The following CLVS1 variants were observed in gnomAD, a reference collection of about 807,000 sequenced individuals.
CLVS1 encodes the protein clavesin 1.
Under a neutral mutation model 33.1 loss-of-function variants are expected in CLVS1, and 10 were observed. The observed-to-expected ratio is 0.30, with a 90% confidence interval of 0.19 to 0.51. CLVS1 has a LOEUF of 0.51. CLVS1 is among the 20% of genes least tolerant of loss of function. CLVS1 has a pLI of 0.97. For missense variants in CLVS1, 343 were observed against 433.4 expected, an observed-to-expected ratio of 0.79 and a Z score of 1.85; for synonymous variants, 163 against 166.1, an observed-to-expected ratio of 0.98 and a Z score of 0.14.
intron 5 of CLVS1, among the ~76,000 whole-genome samples, chr8:61,483,579 C>T (rs958911982): frequency 9.2e-5 from 14 of 151,672 alleles, no homozygotes; most frequent in Admixed American, 9.2e-4. Flanking sequence ...GGAATATTTC[C>T]TCTCCCTAAC....
the CLVS1 span, among the ~76,000 whole-genome samples, chr8:60,970,570 A>G: frequency 7.2e-5 from 11 of 152,326 alleles, 1 homozygote; most frequent in South Asian, 2.1e-4. Flanking sequence ...CCAGGATGCA[A>G]ATAATTTCTC....
chr8:61,403,972 GGTGTTGT>G (rs1394222189), intron 3 of CLVS1, among the ~76,000 whole-genome samples: 2 of 152,214 alleles, frequency 1.3e-5, no homozygotes, highest in Non-Finnish European at 2.9e-5. Context: ...GGCTACAGAT[GGTGTTGT>G]GAGAGAATTC....
intron 2 of CLVS1, among the ~76,000 whole-genome samples, chr8:61,172,156 G>A (rs566152220): frequency 9.2e-5 from 14 of 152,188 alleles, no homozygotes; most frequent in Non-Finnish European, 1.3e-4. Flanking sequence ...TTGTTGTTTC[G>A]TTAACCACTG....
chr8:61,394,688 A>G (rs1247038876), intron 3 of CLVS1, among the ~76,000 whole-genome samples: 1 of 152,196 alleles, frequency 6.6e-6, no homozygotes, highest in Admixed American at 6.5e-5. Context: ...ATACCTCGCC[A>G]GCAGCACTGA....
At chr8:61,288,500 T>C (rs1174500814) in intron 1 of CLVS1, among the ~76,000 whole-genome samples, 1 of 151,922 alleles carries the variant, frequency 6.6e-6, no homozygotes, top group Non-Finnish European at 1.5e-5. Flanking sequence ...TTGACAGGCA[T>C]AGGAAGGAAA....
At chr8:61,035,193 T>TTTTC in the CLVS1 span, among the ~76,000 whole-genome samples, 1 of 148,980 alleles carries the variant, frequency 6.7e-6, no homozygotes, top group South Asian at 2.1e-4. Flanking sequence ...TTTTCTTTTT[T>TTTTC]TTTTTTTTGA....
chr8:61,229,556 G>A, intron 2 of CLVS1, among the ~76,000 whole-genome samples: 1 of 152,198 alleles, frequency 6.6e-6, no homozygotes, highest in East Asian at 1.9e-4. Context: ...ATTGGCAGAG[G>A]GAGAGTTCTC....
chr8:61,132,980 C>T (rs763964745), intron 2 of CLVS1, among the ~76,000 whole-genome samples: 87 of 152,318 alleles, frequency 5.7e-4, no homozygotes, highest in East Asian at 5.8e-4. Context: ...GCCTGAGCAG[C>T]TCTAGTCTTT....
the CLVS1 span, among the ~76,000 whole-genome samples, chr8:60,998,430 G>A: frequency 3.9e-5 from 6 of 152,094 alleles, no homozygotes; most frequent in Admixed American, 3.9e-4. Flanking sequence ...TGTTTGCCCT[G>A]GTGGTGAGGG....
Position 61,499,521 on chromosome 8 carries a change from G to A in CLVS1, c.1044G>A (p.Gln348=). 1 of 1,613,608 alleles carries A rather than the reference G, an allele frequency of 6.2e-7. No homozygotes were observed. Among genetic ancestry groups the A allele is most frequent in the Non-Finnish European group, 8.5e-7 (1 of 1,179,636 alleles). The change falls in exon 6 of 6, where the codon CAG becomes CAA. Residue 348 remains glutamine (Q), a synonymous_variant. Transcript: ENST00000325897. The part of the protein sequence containing the change: ...HEEKGENENT[Q]PLLALD ...AGAAGGGAGAGAATGAGAACACCCA[G>A]CCACTCCTGGCTCTGGACTGAACCC...
chr8:61,416,188 A>C (rs1401395073), intron 3 of CLVS1, among the ~76,000 whole-genome samples: 1 of 152,194 alleles, frequency 6.6e-6, no homozygotes, highest in African/African-American at 2.4e-5. Context: ...GGAATTTGAG[A>C]ATTATACATC....
At chr8:61,162,223 A>G (rs1003189682) in intron 2 of CLVS1, among the ~76,000 whole-genome samples, 3 of 152,228 alleles carry the variant, frequency 2.0e-5, no homozygotes, top group African/African-American at 7.2e-5. Flanking sequence ...TGAAGAAGAT[A>G]GTTTAGCCAC....
chr8:61,030,368 T>G, the CLVS1 span, among the ~76,000 whole-genome samples: 1 of 152,072 alleles, frequency 6.6e-6, no homozygotes, highest in Admixed American at 6.5e-5. Flanking sequence ...AAAACAAATC[T>G]AGAATCGATG....
chr8:61,107,226 T>C (rs1805553167), intron 1 of CLVS1, among the ~76,000 whole-genome samples: 1 of 152,246 alleles, frequency 6.6e-6, no homozygotes, highest in Admixed American at 6.5e-5. Flanking sequence ...CAAGAACTCA[T>C]GTCTGAAATC....
intron 3 of CLVS1, among the ~76,000 whole-genome samples, chr8:61,395,740 A>T (rs1185489666): frequency 6.6e-6 from 1 of 152,152 alleles, no homozygotes; most frequent in African/African-American, 2.4e-5. Flanking sequence ...TGGGCCAGGG[A>T]CTACTCTTTT....
intron 3 of CLVS1, among the ~76,000 whole-genome samples, chr8:61,451,734 T>C (rs898842908): frequency 2.6e-5 from 4 of 151,952 alleles, no homozygotes; most frequent in Non-Finnish European, 5.9e-5. Context: ...CCAATAATGA[T>C]GTGTTGACCA....
chr8:61,166,120 C>T (rs1206640883), intron 2 of CLVS1, among the ~76,000 whole-genome samples: 2 of 134,256 alleles, frequency 1.5e-5, no homozygotes, highest in African/African-American at 5.9e-5. Flanking sequence ...CTTAAAAGCC[C>T]TTATTTATTT....
rs369707259 is a variant in CLVS1, at chr8:61,423,163, A to G, written c.631-30978A>G. ...CCCTTCCTGCCGAGGTCACTTCCCT[A>G]TTAGTCAACTGCCCCCACCTCAACC... On this transcript the variant is annotated intron_variant, in intron 3 of 5. Coordinates refer to ENST00000325897, the MANE Select transcript of CLVS1 (RefSeq NM_173519.3). Among the ~76,000 whole-genome samples the G allele has an allele frequency of 5.9e-5, 9 of 152,044 alleles. No homozygotes were observed. The East Asian group carries it at 7.7e-4, about 13-fold the overall frequency.
intron 2 of CLVS1, among the ~76,000 whole-genome samples, chr8:61,193,055 A>G (rs1807527048): frequency 6.6e-6 from 1 of 152,224 alleles, no homozygotes; most frequent in Non-Finnish European, 1.5e-5. Flanking sequence ...ATGCTGCTAT[A>G]AAGACACATT....
Sources: gnomAD v4.1 joint callset for allele counts (sites outside exome capture counted in the v4.1 genomes callset) on GRCh38, gnomAD v4.1.1 for gene constraint, MANE v1.5 for transcripts, NCBI Gene and HGNC (gene_info 2026-07-23, HGNC 2026-07-21) for gene names.